The following CTNNA3 variants were observed in gnomAD, a reference collection of about 807,000 sequenced individuals.
The protein encoded by CTNNA3 is catenin alpha 3, also known as catenin alpha-3.
A neutral mutation model predicts 95.7 loss-of-function variants in CTNNA3; 76 were observed. The ratio of observed to expected loss-of-function variants is 0.79; its 90% CI spans 0.66 to 0.96. The LOEUF is 0.96. Among genes scored for constraint, CTNNA3 ranks in the 40% least tolerant of loss-of-function variants. The probability of loss-of-function intolerance (pLI) is 0.00; values close to 1 mark genes in which losing one functional copy is unlikely to be tolerated. For synonymous variants in CTNNA3, 431 were observed against 374.4 expected, an observed-to-expected ratio of 1.15 and a Z score of -1.74; for missense variants, 1,191 against 1,089.8, an observed-to-expected ratio of 1.09 and a Z score of -1.31.
At chr10:66,851,474 G>A (rs1022965485) in intron 7 of CTNNA3, among the ~76,000 whole-genome samples, 3 of 152,014 alleles carry the variant, frequency 2.0e-5, no homozygotes, top group Non-Finnish European at 2.9e-5. Context: ...CTCCAGTATC[G>A]GAGGTGGGGC....
chr10:66,841,520 T>C (rs1041723473), intron 7 of CTNNA3, among the ~76,000 whole-genome samples: 16 of 152,202 alleles, frequency 1.1e-4, no homozygotes, highest in African/African-American at 3.6e-4. Flanking sequence ...TATAAGAATG[T>C]TGATATATTG....
chr10:67,702,891 A>G (rs995412159), intron 1 of CTNNA3, among the ~76,000 whole-genome samples: 1 of 152,212 alleles, frequency 6.6e-6, no homozygotes, highest in Non-Finnish European at 1.5e-5. Flanking sequence ...AGACTAAGAA[A>G]GAAGAAAAGA....
chr10:66,627,051 G>A (rs1321376762), intron 9 of CTNNA3, among the ~76,000 whole-genome samples: 1 of 152,062 alleles, frequency 6.6e-6, no homozygotes, highest in Non-Finnish European at 1.5e-5. Context: ...AATGTACTGA[G>A]GTGAAAGTCT....
At chr10:66,329,708 CT>C (rs1006603085) in intron 12 of CTNNA3, among the ~76,000 whole-genome samples, 44 of 151,986 alleles carry the variant, frequency 2.9e-4, no homozygotes, top group African/African-American at 9.6e-4. Flanking sequence ...AAATTTAATA[CT>C]TTTTTTTCTC....
intron 11 of CTNNA3, among the ~76,000 whole-genome samples, chr10:66,407,373 C>T (rs1239089509): frequency 6.6e-6 from 1 of 151,542 alleles, no homozygotes; most frequent in African/African-American, 2.4e-5. Context: ...AGTGGATGGG[C>T]CTGTTTCTGT....
intron 14 of CTNNA3, among the ~76,000 whole-genome samples, chr10:66,080,479 A>T (rs2080713228): frequency 6.6e-6 from 1 of 152,212 alleles, no homozygotes; most frequent in Admixed American, 6.6e-5. Flanking sequence ...TTTACAAAGT[A>T]AAATGACTTA....
chr10:66,194,025 A>G (rs1182963026), intron 13 of CTNNA3, among the ~76,000 whole-genome samples: 1 of 152,174 alleles, frequency 6.6e-6, no homozygotes, highest in South Asian at 2.1e-4. Flanking sequence ...TAAACATAGC[A>G]TATTCTGGAA....
intron 7 of CTNNA3, among the ~76,000 whole-genome samples, chr10:67,125,373 G>A (rs1323715646): frequency 6.6e-6 from 1 of 151,954 alleles, no homozygotes; most frequent in Non-Finnish European, 1.5e-5. Flanking sequence ...GGGAAAATAC[G>A]TTATTCCCCC....
intron 9 of CTNNA3, among the ~76,000 whole-genome samples, chr10:66,663,229 T>C (rs573653030): frequency 6.6e-6 from 1 of 152,170 alleles, no homozygotes; most frequent in Non-Finnish European, 1.5e-5. Context: ...TCCCCCTTTT[T>C]TCAGAATAAT....
intron 3 of CTNNA3, among the ~76,000 whole-genome samples, chr10:67,562,473 T>C (rs2133262480): frequency 6.6e-6 from 1 of 152,290 alleles, no homozygotes; most frequent in African/African-American, 2.4e-5. Context: ...AAATTAAGTA[T>C]TGATGGGACA....
intron 12 of CTNNA3, among the ~76,000 whole-genome samples, chr10:66,294,014 C>A (rs188787524): frequency 3.3e-5 from 5 of 152,188 alleles, no homozygotes; most frequent in Admixed American, 3.3e-4. Context: ...AATAGACTTT[C>A]ATGAGATTAT....
At chr10:67,122,847 T>G (rs7073720) in intron 7 of CTNNA3, among the ~76,000 whole-genome samples, 16,643 of 152,092 alleles carry the variant, frequency 0.11, 1,089 homozygotes, top group African/African-American at 0.18. Flanking sequence ...ACAGGATATC[T>G]TACCATCAAT....
Position 67,605,280 on chromosome 10 carries a change from A to G in CTNNA3, c.292+1577T>C, listed in dbSNP as rs1414921822. Among the ~76,000 whole-genome samples, 7 of 152,342 alleles carry G rather than the reference A, an allele frequency of 4.6e-5. No individual in the cohort carries two copies. The East Asian group carries it at 5.8e-4, about 13-fold the overall frequency. On this transcript the variant is annotated intron_variant, in intron 3 of 17. Transcript: ENST00000433211. ...ATAAGCTAGACATAGAAAGAAAACT[A>G]TTGCAGGATCTCACTTATATGTAGA...
At chr10:66,960,242 TA>T (rs1849042100) in intron 7 of CTNNA3, among the ~76,000 whole-genome samples, 1 of 152,176 alleles carries the variant, frequency 6.6e-6, no homozygotes, top group African/African-American at 2.4e-5. Context: ...AGTTCATTTT[TA>T]GTTTAATTAC....
rs183919585 is a variant in CTNNA3 at position 66,969,880 on chromosome 10, T to C, written c.1048-194356A>G. Among the ~76,000 whole-genome samples the C allele has an allele frequency of 1.2e-4, 18 of 152,164 alleles. No homozygotes were observed. In the East Asian group the frequency reaches 2.9e-3, roughly 25 times the overall value. ...CCACAACATGGAGAGTATCTGTAAC[T>C]CCTATCAGAAACATCTTAGTGAAAC... On this transcript the variant is annotated intron_variant, in intron 7 of 17. Transcript: ENST00000433211.
intron 7 of CTNNA3, among the ~76,000 whole-genome samples, chr10:66,982,721 G>C (rs1195815145): frequency 6.6e-6 from 1 of 152,116 alleles, no homozygotes; most frequent in Non-Finnish European, 1.5e-5. Context: ...TAAGTAATAA[G>C]ACAAGGAAGA....
intron 7 of CTNNA3, among the ~76,000 whole-genome samples, chr10:67,009,482 T>C (rs184603782): frequency 3.3e-5 from 5 of 152,152 alleles, no homozygotes; most frequent in Non-Finnish European, 4.4e-5. Context: ...CTGTTTTTCA[T>C]TGAACCTCTA....
intron 1 of CTNNA3, among the ~76,000 whole-genome samples, chr10:67,709,337 G>T (rs1161245424): frequency 6.6e-6 from 1 of 152,168 alleles, no homozygotes; most frequent in Non-Finnish European, 1.5e-5. Flanking sequence ...CCAGAGTTAG[G>T]TTCAAGGCTT....
intron 5 of CTNNA3, among the ~76,000 whole-genome samples, chr10:67,327,534 T>C (rs1841588186): frequency 6.6e-6 from 1 of 152,178 alleles, no homozygotes; most frequent in Admixed American, 6.5e-5. Context: ...ATGCTGTAAC[T>C]CTGGGGGACT....
Sources: gnomAD v4.1 joint callset for allele counts (sites outside exome capture counted in the v4.1 genomes callset) on GRCh38, gnomAD v4.1.1 for gene constraint, MANE v1.5 for transcripts, NCBI Gene and HGNC (gene_info 2026-07-23, HGNC 2026-07-21) for gene names.